Variants in SPHKAP observed in about 807,000 individuals in gnomAD.
The protein encoded by SPHKAP is A-kinase anchor protein SPHKAP.
Under a neutral mutation model 137.5 loss-of-function variants are expected in SPHKAP, and 67 were observed. That is an observed-to-expected ratio of 0.49 (90% confidence interval 0.40 to 0.60). The LOEUF (loss-of-function observed/expected upper bound fraction) is 0.60, where lower values mean the gene tolerates loss of function less well. Ranked by LOEUF, SPHKAP falls within the 20% of genes least tolerant of loss-of-function variation. SPHKAP has a pLI of 0.00. For synonymous variants in SPHKAP, 813 were observed against 785.3 expected, an observed-to-expected ratio of 1.04 and a Z score of -0.59; for missense variants, 2,097 against 2,069.3, an observed-to-expected ratio of 1.01 and a Z score of -0.26.
At position 228,021,908 on chromosome 2, in the gene SPHKAP, C is replaced by G; in HGVS notation, c.500G>C (p.Ser167Thr). 1 of 1,613,962 alleles carries G rather than the reference C, an allele frequency of 6.2e-7. No homozygotes were observed. Among genetic ancestry groups the G allele is most frequent in the Non-Finnish European group, 8.5e-7 (1 of 1,179,892 alleles). The change falls in exon 6 of 12, where the codon AGT (serine) becomes ACT (threonine). Residue 167 changes from serine (S) to threonine (T), a missense_variant. Physicochemically the swap from Ser to Thr is moderately conservative, Grantham distance 58. Transcript: ENST00000392056. ...VQCARGNRPNSTNCIIFEINK... is the reference protein window; with the variant it reads ...VQCARGNRPNTTNCIIFEINK... ...GATTTCAAAGATGATGCAGTTGGTA[C>G]TGTTTGGTCTGTTCCCTCTTGCACA...
chr2:228,100,030 T>G (rs1698140560), intron 3 of SPHKAP, among the ~76,000 whole-genome samples: 1 of 152,070 alleles, frequency 6.6e-6, no homozygotes, highest in African/African-American at 2.4e-5. Flanking sequence ...TTTTGTATTT[T>G]TAGTAGAGAC....
At chr2:228,073,277 G>C (rs563008168) in intron 3 of SPHKAP, among the ~76,000 whole-genome samples, 1 of 152,306 alleles carries the variant, frequency 6.6e-6, no homozygotes, top group Admixed American at 6.5e-5. Context: ...TAGGATAAGG[G>C]CTTCAAATTG....
chr2:228,097,172 C>A lies in SPHKAP; in HGVS notation c.246+11660G>T, dbSNP rs1698012714. 2.6e-5 allele frequency among the ~76,000 whole-genome samples: 4 copies of A among 152,120 alleles called. No homozygotes were observed. The South Asian group carries it at 8.3e-4, about 31-fold the overall frequency. ...ATTATTGTTTTTCTTGATTGACAGGCTTTCCTCTCAGAGGATAATTGCTAT... is the reference window on the plus strand; with the variant it reads ...ATTATTGTTTTTCTTGATTGACAGGATTTCCTCTCAGAGGATAATTGCTAT... On this transcript the variant is annotated intron_variant, in intron 3 of 11. Transcript: ENST00000392056.
chr2:228,102,269 A>G (rs1429233931), intron 3 of SPHKAP, among the ~76,000 whole-genome samples: 1 of 151,422 alleles, frequency 6.6e-6, no homozygotes, highest in Non-Finnish European at 1.5e-5. Context: ...CACACTTGTC[A>G]TTTGGTTTTT....
chr2:228,011,355 C>T (rs905459666), intron 7 of SPHKAP, among the ~76,000 whole-genome samples: 2 of 151,984 alleles, frequency 1.3e-5, no homozygotes, highest in African/African-American at 2.4e-5. Flanking sequence ...CTTCACCATT[C>T]GCAGACCCTC....
intron 7 of SPHKAP, among the ~76,000 whole-genome samples, chr2:228,002,234 G>T (rs1693935924): frequency 6.6e-6 from 1 of 152,110 alleles, no homozygotes; most frequent in Admixed American, 6.6e-5. Flanking sequence ...AGCACCTGTT[G>T]TTTCCTGACT....
rs1196306916 is a variant in SPHKAP at position 228,018,314 on chromosome 2, T to C, written c.2540A>G (p.His847Arg). ...GIAGEDTKSP[H>R]HSENECRASS... ...GGCTCTGCATTCATTCTCACTGTGA[T>C]GAGGGCTTTTTGTATCCTCTCCTGC... The change falls in exon 7 of 12, where the codon CAT becomes CGT. Residue 847 changes from histidine to arginine, a missense_variant. Transcript: ENST00000392056. The C allele has an allele frequency of 6.2e-7, 1 of 1,614,222 alleles. No homozygotes were observed. Among genetic ancestry groups the C allele is most frequent in the Non-Finnish European group, 8.5e-7 (1 of 1,180,032 alleles).
At chr2:228,046,692 A>G (rs1696070467) in intron 3 of SPHKAP, among the ~76,000 whole-genome samples, 1 of 152,186 alleles carries the variant, frequency 6.6e-6, no homozygotes, top group African/African-American at 2.4e-5. Context: ...TCAGAAAACA[A>G]CAACAACAAA....
chr2:228,145,188 C>T (rs1699739636), intron 1 of SPHKAP, among the ~76,000 whole-genome samples: 1 of 152,142 alleles, frequency 6.6e-6, no homozygotes, highest in Admixed American at 6.6e-5. Flanking sequence ...TTTAAAACAA[C>T]AACATCATCA....
intron 3 of SPHKAP, among the ~76,000 whole-genome samples, chr2:228,039,480 G>GTGAT (rs1695759749): frequency 6.6e-6 from 1 of 152,124 alleles, no homozygotes; most frequent in African/African-American, 2.4e-5. Context: ...AGTAATCACA[G>GTGAT]TGATTACTCT....
intron 1 of SPHKAP, among the ~76,000 whole-genome samples, chr2:228,150,934 TTTATTA>T (rs1290342586): frequency 6.6e-6 from 1 of 151,382 alleles, no homozygotes; most frequent in Non-Finnish European, 1.5e-5. Flanking sequence ...ATTTATTTAT[TTTATTA>T]TTATTATTAT....
intron 7 of SPHKAP, among the ~76,000 whole-genome samples, chr2:228,000,317 T>C (rs990546668): frequency 4.6e-5 from 7 of 152,018 alleles, no homozygotes; most frequent in Non-Finnish European, 1.5e-5. Context: ...CTGTCTCTAC[T>C]AAAAATACAA....
intron 1 of SPHKAP, among the ~76,000 whole-genome samples, chr2:228,151,104 C>G (rs1699915191): frequency 7.0e-6 from 1 of 142,708 alleles, no homozygotes; most frequent in African/African-American, 2.6e-5. Context: ...CCACCACAGT[C>G]CCCAGAGTGT....
chr2:228,145,868 A>T (rs1044683126), intron 1 of SPHKAP, among the ~76,000 whole-genome samples: 17 of 152,232 alleles, frequency 1.1e-4, no homozygotes, highest in African/African-American at 3.9e-4. Flanking sequence ...AATGTGGTAA[A>T]TGGGGCTACA....
chr2:228,144,120 C>A (rs1277286409), intron 1 of SPHKAP, among the ~76,000 whole-genome samples: 2 of 152,152 alleles, frequency 1.3e-5, no homozygotes, highest in East Asian at 3.9e-4. Context: ...CAAATGTCAC[C>A]TTCTCAATGA....
rs149966744 is a variant in SPHKAP at position 227,981,527 on chromosome 2, A to G, written c.*190T>C. The G allele has an allele frequency of 1.9e-6, 1 of 540,058 alleles. No individual in the cohort carries two copies. Among genetic ancestry groups the G allele is most frequent in the Non-Finnish European group, 3.0e-6 (1 of 336,388 alleles). 33.5% of individuals were successfully genotyped at this position (540,058 alleles called of 1,614,324 possible). ...TGGAACTCACCCACAAGTTGTATGA[A>G]TTTGGACAGACCTATATTTTGCTTT... On this transcript the variant is annotated 3_prime_UTR_variant, in exon 12 of 12. Coordinates refer to ENST00000392056, the MANE Select transcript of SPHKAP (RefSeq NM_001142644.2).
chr2:228,177,607 T>A (rs1700780647), intron 1 of SPHKAP, among the ~76,000 whole-genome samples: 1 of 152,220 alleles, frequency 6.6e-6, no homozygotes, highest in Admixed American at 6.5e-5. Context: ...AACCTTTCTA[T>A]AAAAACTTGG....
intron 1 of SPHKAP, among the ~76,000 whole-genome samples, chr2:228,163,986 T>C (rs1246303636): frequency 3.3e-5 from 5 of 151,944 alleles, no homozygotes; most frequent in South Asian, 2.1e-4. Context: ...CCAGAGGGGA[T>C]TGATATTTGG....
intron 3 of SPHKAP, among the ~76,000 whole-genome samples, chr2:228,050,953 C>T (rs539697151): frequency 6.6e-6 from 1 of 152,154 alleles, no homozygotes; most frequent in African/African-American, 2.4e-5. Context: ...ACTACAGGTG[C>T]CACCAACACA....
Sources: gnomAD v4.1 joint callset for allele counts (sites outside exome capture counted in the v4.1 genomes callset) on GRCh38, gnomAD v4.1.1 for gene constraint, MANE v1.5 for transcripts, NCBI Gene and HGNC (gene_info 2026-07-23, HGNC 2026-07-21) for gene names.